IFT74: variants seen among roughly 807,000 people sequenced by gnomAD.
The protein encoded by IFT74 is intraflagellar transport protein 74 homolog.
In IFT74, 92 loss-of-function variants were observed where a neutral mutation model predicts 96.7. The ratio of observed to expected loss-of-function variants is 0.95; its 90% confidence interval spans 0.80 to 1.13. The LOEUF (loss-of-function observed/expected upper bound fraction) is 1.13, where lower values mean the gene tolerates loss of function less well. IFT74 is among the 50% of genes most tolerant of loss of function. The pLI is 0.00. For missense variants in IFT74, 811 were observed against 698.2 expected, an observed-to-expected ratio of 1.16 and a Z score of -1.82; for synonymous variants, 223 against 213.2, an observed-to-expected ratio of 1.05 and a Z score of -0.40.
chr9:26,948,941 A>AT (rs546125562), intron 1 of IFT74, among the ~76,000 whole-genome samples: 6,082 of 149,056 alleles, frequency 0.041, 203 homozygotes, highest in South Asian at 0.13. Flanking sequence ...TTGTACATGC[A>AT]TTTTTTTTTT....
chr9:27,024,746 A>G (rs555051867), intron 12 of IFT74, among the ~76,000 whole-genome samples: 1 of 152,304 alleles, frequency 6.6e-6, no homozygotes, highest in South Asian at 2.1e-4. Flanking sequence ...GTGAAAACCA[A>G]CTTAAAGAAA....
At chr9:26,988,362 T>C (rs2131549271) in intron 6 of IFT74, among the ~76,000 whole-genome samples, 1 of 152,282 alleles carries the variant, frequency 6.6e-6, no homozygotes, top group South Asian at 2.1e-4. Flanking sequence ...CAAACCCTTA[T>C]TTATAAGCTC....
intron 6 of IFT74, among the ~76,000 whole-genome samples, chr9:26,985,024 G>A (rs1308171401): frequency 2.0e-5 from 3 of 152,090 alleles, no homozygotes; most frequent in African/African-American, 7.2e-5. Context: ...ATTGGAGCAC[G>A]GTTTACAGTA....
intron 13 of IFT74, among the ~76,000 whole-genome samples, chr9:27,039,568 G>T (rs1333468140): frequency 6.6e-6 from 1 of 152,126 alleles, no homozygotes; most frequent in Non-Finnish European, 1.5e-5. Flanking sequence ...TTACATTGTT[G>T]CTGATGTATA....
At chr9:26,964,851 C>T (rs1445772141) in intron 2 of IFT74, among the ~76,000 whole-genome samples, 1 of 152,048 alleles carries the variant, frequency 6.6e-6, no homozygotes, top group Non-Finnish European at 1.5e-5. Context: ...TGGAGGTAAA[C>T]TCTAGTAAAT....
At chr9:27,038,878 A>G (rs915089982) in intron 13 of IFT74, among the ~76,000 whole-genome samples, 1 of 152,218 alleles carries the variant, frequency 6.6e-6, no homozygotes, top group Non-Finnish European at 1.5e-5. Context: ...CAACATGCCT[A>G]CAAGCACTGC....
intron 8 of IFT74, among the ~76,000 whole-genome samples, chr9:27,001,847 T>G (rs2131584720): frequency 6.6e-6 from 1 of 152,300 alleles, no homozygotes; most frequent in South Asian, 2.1e-4. Context: ...ACATTTTTGC[T>G]TTGGTTTCCT....
At chr9:26,978,293 G>A in intron 3 of IFT74, 30 bp downstream of exon 3, 1 of 1,597,756 alleles carries the variant, frequency 6.3e-7, no homozygotes, top group South Asian at 1.1e-5. Flanking sequence ...TATGACACTT[G>A]GGCCTGTGTT....
intron 1 of IFT74, among the ~76,000 whole-genome samples, chr9:26,957,571 T>A (rs1312455209): frequency 2.6e-5 from 4 of 152,188 alleles, no homozygotes; most frequent in Admixed American, 2.0e-4. Context: ...AAATTTCAGA[T>A]AAACAATTGA....
chr9:27,012,708 GTTTTTTTTTT>G (rs772920018), intron 10 of IFT74, among the ~76,000 whole-genome samples: 21 of 53,876 alleles, frequency 3.9e-4, no homozygotes, highest in African/African-American at 1.6e-3. Flanking sequence ...AAAAATGTCT[GTTTTTTTTTT>G]TTTTTTTTTT....
chr9:27,003,788 C>CT (rs1475453823), intron 8 of IFT74, among the ~76,000 whole-genome samples: 4 of 152,140 alleles, frequency 2.6e-5, no homozygotes, highest in Non-Finnish European at 5.9e-5. Flanking sequence ...AATAGAATCC[C>CT]TTTTAGAGCC....
intron 4 of IFT74, 82 bp from the exon 5 acceptor site, chr9:26,984,175 A>G (rs559749712): frequency 4.3e-4 from 444 of 1,039,716 alleles, no homozygotes; most frequent in Non-Finnish European, 5.6e-4. Context: ...ATTATTACGT[A>G]TTAATGGAAA....
intron 6 of IFT74, among the ~76,000 whole-genome samples, chr9:26,987,927 A>G (rs1216397030): frequency 6.6e-6 from 1 of 151,750 alleles, no homozygotes; most frequent in Admixed American, 6.6e-5. Context: ...TGTTTTTACT[A>G]GTGTAAATTT....
At chr9:27,024,824 A>G (rs1455519009) in intron 12 of IFT74, among the ~76,000 whole-genome samples, 2 of 152,066 alleles carry the variant, frequency 1.3e-5, no homozygotes, top group Non-Finnish European at 2.9e-5. Context: ...AAAAACAGTC[A>G]CAACTTCTGG....
intron 16 of IFT74, among the ~76,000 whole-genome samples, chr9:27,049,430 G>A (rs1256626345): frequency 6.6e-6 from 1 of 152,092 alleles, no homozygotes; most frequent in Non-Finnish European, 1.5e-5. Context: ...GTGGGGATAG[G>A]GTCATCCCAG....
intron 7 of IFT74, among the ~76,000 whole-genome samples, chr9:26,989,140 A>G (rs963056268): frequency 1.3e-5 from 2 of 152,332 alleles, no homozygotes; most frequent in East Asian, 3.9e-4. Context: ...GACTCCAGAC[A>G]TAAAATATTA....
upstream of IFT74, among the ~76,000 whole-genome samples, chr9:26,952,833 A>T (rs967248664): frequency 2.0e-5 from 3 of 152,188 alleles, no homozygotes; most frequent in Non-Finnish European, 4.4e-5. Context: ...CTACCCTGTC[A>T]TGTTCACTAT....
upstream of IFT74, among the ~76,000 whole-genome samples, chr9:26,952,262 T>C (rs1825957181): frequency 6.6e-6 from 1 of 151,284 alleles, no homozygotes; most frequent in Admixed American, 6.6e-5. Flanking sequence ...ATTGAAAGTT[T>C]ATTTAATTTT....
chr9:27,036,914 A>G, intron 13 of IFT74: 1 of 766,912 alleles, frequency 1.3e-6, no homozygotes, highest in Non-Finnish European at 1.6e-6. Context: ...GCTGTGATTC[A>G]TGATAAAATG....
Sources: allele counts gnomAD v4.1 joint callset (sites outside exome capture counted in the v4.1 genomes callset), GRCh38; gene constraint gnomAD v4.1.1; transcripts MANE v1.5; gene names NCBI Gene and HGNC (gene_info 2026-07-23, HGNC 2026-07-21).